The following CCDC149 variants were observed in gnomAD, a reference collection of about 807,000 sequenced individuals.
The protein encoded by CCDC149 is coiled-coil domain-containing protein 149.
Under a neutral mutation model 59.9 loss-of-function variants are expected in CCDC149, and 45 were observed. That is an observed-to-expected ratio of 0.75 (90% confidence interval 0.59 to 0.96). The LOEUF (loss-of-function observed/expected upper bound fraction) is 0.96. Among genes scored for constraint, CCDC149 ranks in the 40% least tolerant of loss-of-function variants. The probability of loss-of-function intolerance (pLI) is 0.00; values close to 1 mark genes in which losing one functional copy is unlikely to be tolerated. For synonymous variants in CCDC149, 245 were observed against 260.6 expected, an observed-to-expected ratio of 0.94 and a Z score of 0.58; for missense variants, 584 against 664.7, an observed-to-expected ratio of 0.88 and a Z score of 1.33.
intron 1 of CCDC149, among the ~76,000 whole-genome samples, chr4:24,959,201 C>T (rs2109360042): frequency 6.6e-6 from 1 of 152,276 alleles, no homozygotes; most frequent in East Asian, 1.9e-4. Flanking sequence ...GTCACAATCT[C>T]CTGACCTTGT....
chr4:24,904,903 ATTTG>A lies in CCDC149; in HGVS notation c.63+7910_63+7913del, dbSNP rs749078004. ...ATTGTTTCTTTGTTTTTGTTCTTTC[ATTTG>A]TTTGTTTGTTTTGAGATGGAGTCGC... On this transcript the variant is annotated intron_variant, in intron 1 of 12. Transcript: ENST00000635206. Among the ~76,000 whole-genome samples the A allele has an allele frequency of 3.3e-5, 5 of 151,376 alleles. No individual in the cohort carries two copies. The East Asian group carries it at 9.7e-4, about 29-fold the overall frequency.
At chr4:24,876,320 CACACACACACACACACACACAGAG>C in intron 2 of CCDC149, among the ~76,000 whole-genome samples, 192 bp downstream of exon 2, 1 of 150,590 alleles carries the variant, frequency 6.6e-6, no homozygotes, top group African/African-American at 2.5e-5. Context: ...CACACACACA[CACACACACACACACACACACAGAG>C]AGAGAGAGAG....
At chr4:24,946,992 C>T (rs1425025170) in intron 1 of CCDC149, among the ~76,000 whole-genome samples, 2 of 152,126 alleles carry the variant, frequency 1.3e-5, no homozygotes, top group Non-Finnish European at 2.9e-5. Flanking sequence ...TTCCTAAAGT[C>T]GATTTCAATA....
intron 3 of CCDC149, among the ~76,000 whole-genome samples, chr4:24,855,089 G>A (rs1717916845): frequency 6.6e-6 from 1 of 152,242 alleles, no homozygotes; most frequent in Admixed American, 6.5e-5. Context: ...TCCATGAAGG[G>A]CAAGGAACTT....
At chr4:24,848,386 T>C (rs187027338) in intron 4 of CCDC149, among the ~76,000 whole-genome samples, 252 of 152,198 alleles carry the variant, frequency 1.7e-3, no homozygotes, top group African/African-American at 5.8e-3. Context: ...CTGGCTAACA[T>C]GGTAAATCTC....
At chr4:24,884,086 A>G (rs1208576247) in intron 1 of CCDC149, among the ~76,000 whole-genome samples, 2 of 152,192 alleles carry the variant, frequency 1.3e-5, no homozygotes, top group Non-Finnish European at 2.9e-5. Flanking sequence ...TGTTTGGGAG[A>G]CAGGCAGCTC....
At chr4:24,884,284 T>C (rs973088709) in intron 1 of CCDC149, among the ~76,000 whole-genome samples, 4 of 152,226 alleles carry the variant, frequency 2.6e-5, no homozygotes, top group Admixed American at 6.5e-5. Flanking sequence ...TGTGTTACAA[T>C]TGCCTAGAGT....
chr4:24,822,427 C>A, intron 10 of CCDC149, 70 bp downstream of exon 10: 1 of 976,016 alleles, frequency 1.0e-6, no homozygotes. Flanking sequence ...TTGTAAATTA[C>A]GTGGGAGCTT....
chr4:24,961,667 C>G (rs1486861528), intron 1 of CCDC149, among the ~76,000 whole-genome samples: 1 of 152,170 alleles, frequency 6.6e-6, no homozygotes, highest in African/African-American at 2.4e-5. Flanking sequence ...ATATCTACAA[C>G]TATCTGATCT....
At chr4:24,878,162 A>T (rs1719589113) in intron 1 of CCDC149, among the ~76,000 whole-genome samples, 3 of 151,894 alleles carry the variant, frequency 2.0e-5, no homozygotes, top group Admixed American at 1.3e-4. Context: ...TTCAATTTCA[A>T]ATAAATGAAA....
chr4:24,955,053 G>A (rs1484590893), intron 1 of CCDC149, among the ~76,000 whole-genome samples: 3 of 152,040 alleles, frequency 2.0e-5, no homozygotes, highest in African/African-American at 7.2e-5. Context: ...GCAACACCCT[G>A]CTTCTGGTAC....
intron 1 of CCDC149, among the ~76,000 whole-genome samples, chr4:24,969,844 T>C (rs1362061797): frequency 6.6e-6 from 1 of 152,220 alleles, no homozygotes; most frequent in Non-Finnish European, 1.5e-5. Flanking sequence ...TTGGCCATTG[T>C]AGCTCCCTTG....
rs557351570 is a variant in CCDC149 at position 24,970,540 on chromosome 4, C to T, written c.-65+9529G>A. ...ACTGAGAAACACTGGGGTAACACCACTGAGGAGTGGGTACCCGTCATGGCT... is the reference window on the plus strand; with the variant it reads ...ACTGAGAAACACTGGGGTAACACCATTGAGGAGTGGGTACCCGTCATGGCT... On this transcript the variant is annotated intron_variant, in intron 1 of 12. Transcript: ENST00000389609. Among the ~76,000 whole-genome samples the T allele has an allele frequency of 2.0e-5, 3 of 152,256 alleles. No homozygotes were observed. In the East Asian group the frequency reaches 5.8e-4, roughly 29 times the overall value.
At chr4:24,956,285 TCCAACTCAC>T (rs544988498) in intron 1 of CCDC149, among the ~76,000 whole-genome samples, 1 of 151,858 alleles carries the variant, frequency 6.6e-6, no homozygotes, top group Non-Finnish European at 1.5e-5. Flanking sequence ...GCCTGATAGT[TCCAACTCAC>T]CCTCTCAGTG....
intron 1 of CCDC149, among the ~76,000 whole-genome samples, chr4:24,919,293 G>A (rs1722217411): frequency 6.6e-6 from 1 of 152,170 alleles, no homozygotes; most frequent in Admixed American, 6.5e-5. Context: ...GGCTTTTGGA[G>A]TAGATAGCCA....
At chr4:24,924,446 C>G (rs1722381205) in intron 1 of CCDC149, among the ~76,000 whole-genome samples, 1 of 152,202 alleles carries the variant, frequency 6.6e-6, no homozygotes. Flanking sequence ...TCAGCTGGCT[C>G]TGCTCCATGA....
At chr4:24,974,728 C>A (rs1724100870) in intron 1 of CCDC149, among the ~76,000 whole-genome samples, 3 of 152,222 alleles carry the variant, frequency 2.0e-5, no homozygotes, top group African/African-American at 4.8e-5. Flanking sequence ...AACTGCATGG[C>A]CTCGGATGAT....
chr4:24,886,739 C>G (rs1720200397), intron 1 of CCDC149, among the ~76,000 whole-genome samples: 1 of 152,096 alleles, frequency 6.6e-6, no homozygotes, highest in South Asian at 2.1e-4. Flanking sequence ...TAATCATACA[C>G]AGAAACACAG....
intron 1 of CCDC149, among the ~76,000 whole-genome samples, chr4:24,978,722 G>A (rs1724328936): frequency 6.6e-6 from 1 of 152,194 alleles, no homozygotes; most frequent in African/African-American, 2.4e-5. Context: ...ACCAGAGAAT[G>A]AGATGGTTTT....
Sources: gnomAD v4.1 joint callset for allele counts (sites outside exome capture counted in the v4.1 genomes callset) on GRCh38, gnomAD v4.1.1 for gene constraint, MANE v1.5 for transcripts, NCBI Gene and HGNC (gene_info 2026-07-23, HGNC 2026-07-21) for gene names.